ACAP2: variants seen among roughly 807,000 people sequenced by gnomAD.
ACAP2 encodes ArfGAP with coiled-coil, ankyrin repeat and PH domains 2, also known as arf-GAP with coiled-coil, ANK repeat and PH domain-containing protein 2.
In ACAP2, 39 loss-of-function variants were observed where a neutral mutation model predicts 115.8. The ratio of observed to expected loss-of-function variants is 0.34; its 90% CI spans 0.26 to 0.44. The LOEUF is 0.44. Ranked by LOEUF, ACAP2 falls within the 20% of genes least tolerant of loss-of-function variation. The pLI is 1.00. For missense variants in ACAP2, 662 were observed against 927.6 expected (o/e 0.71, Z 3.72); for synonymous variants, 289 against 315.8 (o/e 0.92, Z 0.90).
At chr3:195,393,701 C>T (rs144142765) in intron 1 of ACAP2, among the ~76,000 whole-genome samples, 8 of 152,132 alleles carry the variant, frequency 5.3e-5, no homozygotes, top group African/African-American at 1.9e-4. Flanking sequence ...AATTTACACA[C>T]GAGAACAAAT....
At chr3:195,300,787 T>C (rs915486438) in intron 15 of ACAP2, among the ~76,000 whole-genome samples, 8 of 152,106 alleles carry the variant, frequency 5.3e-5, no homozygotes, top group Non-Finnish European at 1.2e-4. Context: ...GAGGCCGAGG[T>C]AGATGGACTG....
chr3:195,422,490 T>C (rs1560354994), intron 1 of ACAP2, among the ~76,000 whole-genome samples: 1 of 151,356 alleles, frequency 6.6e-6, no homozygotes, highest in Non-Finnish European at 1.5e-5. Flanking sequence ...TTTGTTTTCT[T>C]TTTTATTTAG....
intron 5 of ACAP2, 55 bp from the exon 6 acceptor site, chr3:195,342,709 T>C (rs1730957207): frequency 4.7e-6 from 7 of 1,473,756 alleles, no homozygotes; most frequent in African/African-American, 2.8e-5. Flanking sequence ...TAAAAAACTT[T>C]AGCAGGCTGG....
At chr3:195,399,740 A>G (rs1712112244) in intron 1 of ACAP2, among the ~76,000 whole-genome samples, 1 of 152,208 alleles carries the variant, frequency 6.6e-6, no homozygotes, top group African/African-American at 2.4e-5. Context: ...AAATCACAGC[A>G]CAAGGTTGAG....
intron 1 of ACAP2, among the ~76,000 whole-genome samples, chr3:195,406,734 T>C (rs1237761473): frequency 6.6e-6 from 1 of 152,234 alleles, no homozygotes; most frequent in Non-Finnish European, 1.5e-5. Flanking sequence ...CCCTAGATTT[T>C]ACCACTTTAC....
At chr3:195,376,993 T>A (rs982289644) in intron 4 of ACAP2, among the ~76,000 whole-genome samples, 1 of 152,196 alleles carries the variant, frequency 6.6e-6, no homozygotes, top group Admixed American at 6.5e-5. Flanking sequence ...AAGCATTTTA[T>A]GTAACTAGGC....
intron 1 of ACAP2, among the ~76,000 whole-genome samples, chr3:195,399,077 A>G (rs1369479219): frequency 6.6e-6 from 1 of 152,224 alleles, no homozygotes; most frequent in East Asian, 1.9e-4. Flanking sequence ...TTTTGCACCA[A>G]TCTAATAGAA....
chr3:195,294,666 A>G (rs1164413473), intron 18 of ACAP2, 53 bp downstream of exon 18: 14 of 852,274 alleles, frequency 1.6e-5, no homozygotes, highest in Non-Finnish European at 2.3e-5. Flanking sequence ...CATTTACCAC[A>G]TGCACTTTCC....
At chr3:195,354,921 T>C (rs922899771) in intron 4 of ACAP2, among the ~76,000 whole-genome samples, 1 of 152,224 alleles carries the variant, frequency 6.6e-6, no homozygotes, top group African/African-American at 2.4e-5. Context: ...TGGAGTGCAA[T>C]GGCATGATCT....
chr3:195,327,823 C>T (rs964195647), intron 8 of ACAP2, among the ~76,000 whole-genome samples: 9 of 152,022 alleles, frequency 5.9e-5, no homozygotes, highest in East Asian at 1.9e-4. Flanking sequence ...CCTACCTACT[C>T]GGGAGGCTGA....
intron 22 of ACAP2, chr3:195,279,708 GA>G (rs1398047483): frequency 1.4e-5 from 3 of 220,418 alleles, no homozygotes; most frequent in Admixed American, 5.7e-5. Context: ...GCAATGTAAA[GA>G]AATACGTTTA....
In ACAP2 at chr3:195,392,164, T is replaced by A; in HGVS notation, c.54-17A>T. 1 of 1,592,316 alleles carries A rather than the reference T, an allele frequency of 6.3e-7. No homozygotes were observed. Among genetic ancestry groups the A allele is most frequent in the South Asian group, 1.1e-5 (1 of 89,508 alleles). On this transcript the variant is annotated splice_polypyrimidine_tract_variant and intron_variant, in intron 1 of 22. Coordinates refer to ENST00000326793, the MANE Select transcript of ACAP2 (RefSeq NM_012287.6). ...AAAGCTGCCCTAGAAAAATTAAATATAAAATAAGTTATTTCGTTTGTTTAA... is the reference window on the plus strand; with the variant it reads ...AAAGCTGCCCTAGAAAAATTAAATAAAAAATAAGTTATTTCGTTTGTTTAA...
intron 4 of ACAP2, among the ~76,000 whole-genome samples, chr3:195,377,185 C>T (rs1172264524): frequency 2.5e-5 from 3 of 122,330 alleles, no homozygotes; most frequent in Non-Finnish European, 4.8e-5. Context: ...CACTGTGTCA[C>T]TCAGGCTGGA....
chr3:195,365,422 A>T (rs1304114356), intron 4 of ACAP2, among the ~76,000 whole-genome samples: 1 of 152,304 alleles, frequency 6.6e-6, no homozygotes, highest in African/African-American at 2.4e-5. Flanking sequence ...TTAAATAAAA[A>T]AATGTTGCTA....
chr3:195,430,141 C>T (rs1263010359), intron 1 of ACAP2, among the ~76,000 whole-genome samples: 2 of 152,040 alleles, frequency 1.3e-5, no homozygotes, highest in Non-Finnish European at 2.9e-5. Flanking sequence ...TTGTTTCTGC[C>T]AAGATGATCT....
chr3:195,394,040 TTAAC>T (rs1025242641), intron 1 of ACAP2, among the ~76,000 whole-genome samples: 5 of 152,162 alleles, frequency 3.3e-5, no homozygotes, highest in South Asian at 2.1e-4. Flanking sequence ...TCTAGATTGT[TTAAC>T]TATTTTCAGC....
At chr3:195,366,997 A>T (rs1732767593) in intron 4 of ACAP2, among the ~76,000 whole-genome samples, 1 of 151,402 alleles carries the variant, frequency 6.6e-6, no homozygotes, top group African/African-American at 2.4e-5. Context: ...GACAATACAG[A>T]AACAGAAGAG....
intron 8 of ACAP2, among the ~76,000 whole-genome samples, chr3:195,329,985 A>G (rs1374436270): frequency 1.3e-5 from 2 of 152,060 alleles, no homozygotes; most frequent in South Asian, 4.2e-4. Flanking sequence ...ATCTTCATGT[A>G]TGGTGTCTAG....
intron 1 of ACAP2, among the ~76,000 whole-genome samples, chr3:195,402,951 G>A (rs571511897): frequency 4.6e-5 from 7 of 152,284 alleles, no homozygotes; most frequent in Admixed American, 6.5e-5. Flanking sequence ...ACATTCTGAA[G>A]GGGAAGACAA....
Sources: allele counts gnomAD v4.1 joint callset (sites outside exome capture counted in the v4.1 genomes callset), GRCh38; gene constraint gnomAD v4.1.1; transcripts MANE v1.5; gene names NCBI Gene and HGNC (gene_info 2026-07-23, HGNC 2026-07-21).